BCAR3: variants seen among roughly 807,000 people sequenced by gnomAD.
BCAR3 encodes the protein breast cancer anti-estrogen resistance protein 3.
BCAR3 carries 37 observed loss-of-function variants against 80.1 expected under a neutral mutation model. The observed-to-expected ratio is 0.46, with a 90% CI of 0.36 to 0.61. The LOEUF is 0.61. Ranked by LOEUF, BCAR3 falls within the 20% of genes least tolerant of loss-of-function variation. The pLI, the probability that BCAR3 is intolerant of heterozygous loss-of-function variation, is 0.00. For synonymous variants in BCAR3, 389 were observed against 418.9 expected (o/e 0.93, Z 0.87); for missense variants, 978 against 1,068.2 (o/e 0.92, Z 1.18).
At chr1:93,744,289 G>A (rs185463425) in intron 2 of BCAR3, among the ~76,000 whole-genome samples, 5 of 152,286 alleles carry the variant, frequency 3.3e-5, no homozygotes, top group Admixed American at 3.3e-4. Context: ...TATGAAGTTG[G>A]CAAGCTGTCC....
chr1:93,711,732 C>T (rs1288712593), intron 2 of BCAR3, among the ~76,000 whole-genome samples: 6 of 152,204 alleles, frequency 3.9e-5, no homozygotes, highest in African/African-American at 1.4e-4. Context: ...GTATTTCTTA[C>T]AGGGATGAGT....
At chr1:93,725,154 A>C (rs1164025468) in intron 2 of BCAR3, among the ~76,000 whole-genome samples, 1 of 152,194 alleles carries the variant, frequency 6.6e-6, no homozygotes, top group Non-Finnish European at 1.5e-5. Context: ...CTCATGTGTA[A>C]GCTCACAGAG....
intron 2 of BCAR3, among the ~76,000 whole-genome samples, chr1:93,788,706 T>C (rs1653035025): frequency 6.6e-6 from 1 of 152,144 alleles, no homozygotes; most frequent in African/African-American, 2.4e-5. Flanking sequence ...CTGTGGGGGC[T>C]GGAGCCTCTT....
intron 2 of BCAR3, among the ~76,000 whole-genome samples, chr1:93,765,876 G>C (rs1246953939): frequency 6.6e-6 from 1 of 151,940 alleles, no homozygotes; most frequent in Non-Finnish European, 1.5e-5. Context: ...CATATTGACT[G>C]GGCTGGTCTC....
At chr1:93,579,433 A>G (rs1444380638) in intron 7 of BCAR3, among the ~76,000 whole-genome samples, 3 of 151,990 alleles carry the variant, frequency 2.0e-5, no homozygotes, top group Non-Finnish European at 4.4e-5. Flanking sequence ...GGGTGGGCAG[A>G]GTCCAGGCTA....
chr1:93,650,939 G>A (rs1261602838), intron 2 of BCAR3, among the ~76,000 whole-genome samples: 2 of 152,188 alleles, frequency 1.3e-5, no homozygotes, highest in Admixed American at 6.5e-5. Flanking sequence ...ATTGACAGAA[G>A]ATTAAAAACC....
chr1:93,752,852 A>G (rs1346943934), intron 2 of BCAR3: 1 of 152,238 alleles, frequency 6.6e-6, no homozygotes, highest in Non-Finnish European at 1.5e-5. Context: ...CAGAAAAAGC[A>G]GTCGAAACTG....
chr1:93,654,808 C>T (rs1647295195), intron 2 of BCAR3, among the ~76,000 whole-genome samples: 1 of 152,202 alleles, frequency 6.6e-6, no homozygotes, highest in African/African-American at 2.4e-5. Flanking sequence ...TCTGTTCACA[C>T]ACCACCTCCT....
intron 2 of BCAR3, among the ~76,000 whole-genome samples, chr1:93,773,513 G>A (rs2100745862): frequency 6.6e-6 from 1 of 152,274 alleles, no homozygotes; most frequent in East Asian, 1.9e-4. Flanking sequence ...TGTCTCCTGG[G>A]TCCTAATCCA....
chr1:93,636,134 T>C (rs1675772716), intron 3 of BCAR3, among the ~76,000 whole-genome samples: 1 of 152,200 alleles, frequency 6.6e-6, no homozygotes, highest in South Asian at 2.1e-4. Flanking sequence ...GTAACGTCTA[T>C]AGACCTAGAA....
At chr1:93,846,509 G>A (rs1256030168) in intron 1 of BCAR3, among the ~76,000 whole-genome samples, 1 of 152,122 alleles carries the variant, frequency 6.6e-6, no homozygotes, top group Non-Finnish European at 1.5e-5. Context: ...GGATCACTGC[G>A]GGCACTGGAA....
chr1:93,806,489 A>C lies in BCAR3; in HGVS notation c.-63+39078T>G, dbSNP rs897432457. ...TAGGTAATCTCTTGGAACTGTCCTC[A>C]GAAGCACAGATGAAAACTCTGTTCA... On this transcript the variant is annotated intron_variant, in intron 2 of 13. Coordinates refer to the BCAR3 transcript ENST00000370244. 2.6e-5 allele frequency among the ~76,000 whole-genome samples: 4 copies of C among 152,256 alleles called. No individual in the cohort carries two copies. The East Asian group carries it at 7.7e-4, about 29-fold the overall frequency.
At chr1:93,690,650 G>GCAAGT (rs921041237) in intron 3 of BCAR3, among the ~76,000 whole-genome samples, 32 of 152,302 alleles carry the variant, frequency 2.1e-4, no homozygotes, top group African/African-American at 7.7e-4. Flanking sequence ...CAAGTTAGCT[G>GCAAGT]TGCAATTCCT....
At chr1:93,775,339 C>G (rs1652507545) in intron 2 of BCAR3, 1 of 152,204 alleles carries the variant, frequency 6.6e-6, no homozygotes, top group South Asian at 2.1e-4. Flanking sequence ...TGAGTGCTCT[C>G]AGAGAGGCAC....
Position 93,822,964 on chromosome 1 carries a change from C to T in BCAR3, c.-63+22603G>A, listed in dbSNP as rs763270705. On this transcript the variant is annotated intron_variant, in intron 2 of 13. Coordinates refer to the BCAR3 transcript ENST00000370244. ...TTGCCAGTGAGTTAGGAAGAGGCAT[C>T]ACTCAAGTCCAGCCCATGAGTCATG... Among the ~76,000 whole-genome samples, 8 of 132,792 alleles carry T rather than the reference C, an allele frequency of 6.0e-5. 2 individuals are homozygous for T. The highest frequency in any genetic ancestry group is 1.2e-4 in the Non-Finnish European group (7 of 58,950). The allele number at this position is 132,792 out of a possible 152,430, so 87.1% of individuals were successfully genotyped here. A position where few individuals can be genotyped will look rare whatever the true frequency, so the allele number is the denominator to read the frequency against.
chr1:93,677,523 G>A (rs1648541688), intron 1 of BCAR3, among the ~76,000 whole-genome samples: 1 of 152,168 alleles, frequency 6.6e-6, no homozygotes, highest in Non-Finnish European at 1.5e-5. Context: ...AGAAAAAGGA[G>A]GCAGGGAGGT....
intron 2 of BCAR3, among the ~76,000 whole-genome samples, chr1:93,643,335 AC>A (rs986326816): frequency 1.3e-5 from 2 of 151,612 alleles, no homozygotes; most frequent in Non-Finnish European, 2.9e-5. Context: ...GACAAGCATG[AC>A]CAACATGGTG....
At chr1:93,759,939 A>T (rs944832872) in intron 2 of BCAR3, among the ~76,000 whole-genome samples, 2 of 152,146 alleles carry the variant, frequency 1.3e-5, no homozygotes, top group African/African-American at 4.8e-5. Flanking sequence ...TCAATCAGAG[A>T]TCTCCATTCC....
intron 3 of BCAR3, among the ~76,000 whole-genome samples, chr1:93,628,999 T>C (rs1675529281): frequency 6.6e-6 from 1 of 152,250 alleles, no homozygotes; most frequent in African/African-American, 2.4e-5. Context: ...AATGGAATAC[T>C]GGGTACCCAT....
Sources: gnomAD v4.1 joint callset for allele counts (sites outside exome capture counted in the v4.1 genomes callset) on GRCh38, gnomAD v4.1.1 for gene constraint, MANE v1.5 for transcripts, NCBI Gene and HGNC (gene_info 2026-07-23, HGNC 2026-07-21) for gene names.